UNC13C: variants seen among roughly 807,000 people sequenced by gnomAD.
UNC13C encodes the protein protein unc-13 homolog C.
UNC13C carries 174 observed loss-of-function variants against 245.4 expected under a neutral mutation model. The observed-to-expected ratio is 0.71, with a 90% CI of 0.63 to 0.80. The LOEUF (loss-of-function observed/expected upper bound fraction) is 0.80, where lower values mean the gene tolerates loss of function less well. UNC13C is among the 30% of genes least tolerant of loss of function. The pLI, the probability that UNC13C is intolerant of heterozygous loss-of-function variation, is 0.00. For missense variants in UNC13C, 2,829 were observed against 2,602.9 expected (o/e 1.09, Z -1.89); for synonymous variants, 992 against 895.1 (o/e 1.11, Z -1.93).
chr15:54,259,385 T>G (rs2036364745), intron 8 of UNC13C, among the ~76,000 whole-genome samples: 1 of 152,202 alleles, frequency 6.6e-6, no homozygotes, highest in Admixed American at 6.5e-5. Flanking sequence ...TCCACATGGC[T>G]GGTGAGGCCT....
chr15:54,489,220 TTAAC>T (rs1324155878), intron 19 of UNC13C, among the ~76,000 whole-genome samples: 1 of 152,136 alleles, frequency 6.6e-6, no homozygotes, highest in East Asian at 1.9e-4. Flanking sequence ...TTAAGAGGCA[TTAAC>T]TACCCAGAAT....
intron 27 of UNC13C, among the ~76,000 whole-genome samples, chr15:54,549,162 C>A (rs556432397): frequency 1.3e-5 from 2 of 152,196 alleles, no homozygotes; most frequent in Non-Finnish European, 2.9e-5. Context: ...CCTTGGGGTT[C>A]TAGAGAAAGC....
At chr15:54,174,992 A>T (rs2141291059) in intron 4 of UNC13C, among the ~76,000 whole-genome samples, 1 of 152,236 alleles carries the variant, frequency 6.6e-6, no homozygotes, top group East Asian at 1.9e-4. Flanking sequence ...TATTGACCCC[A>T]CATGTTTCTC....
intron 28 of UNC13C, 109 bp downstream of exon 28, chr15:54,549,800 T>C: frequency 1.5e-6 from 1 of 680,678 alleles, no homozygotes; most frequent in Non-Finnish European, 2.4e-6. Flanking sequence ...ATTAAGAAGA[T>C]GTGTGTGTGA....
chr15:54,456,676 T>C (rs879224383), intron 19 of UNC13C, among the ~76,000 whole-genome samples: 14 of 151,794 alleles, frequency 9.2e-5, no homozygotes, highest in African/African-American at 3.4e-4. Flanking sequence ...TTGATTCTCA[T>C]CTTGGTCACT....
In UNC13C at chr15:54,352,340, G is replaced by GTATA. The variant is rs34071394; in HGVS notation, c.4713+13862_4713+13865dup. Among the ~76,000 whole-genome samples, 38 of 141,946 alleles carry GTATA rather than the reference G, an allele frequency of 2.7e-4. No individual in the cohort carries two copies. In the East Asian group the frequency reaches 6.6e-3, roughly 25 times the overall value. 93.1% of individuals were successfully genotyped at this position (141,946 alleles called of 152,430 possible). A position where few individuals can be genotyped will look rare whatever the true frequency, so the allele number is the denominator to read the frequency against. On this transcript the variant is annotated intron_variant, in intron 17 of 32. Coordinates refer to ENST00000260323, the MANE Select transcript of UNC13C (RefSeq NM_001080534.3). ...TTTATATAAATATAATTATATAAAT[G>GTATA]TATATATATATATAGAGAGAGAGAG...
chr15:54,399,784 T>G (rs2040144828), intron 18 of UNC13C, among the ~76,000 whole-genome samples: 1 of 151,998 alleles, frequency 6.6e-6, no homozygotes, highest in African/African-American at 2.4e-5. Context: ...GGATGTTTTA[T>G]TTGCTGAAGT....
intron 16 of UNC13C, among the ~76,000 whole-genome samples, chr15:54,337,721 T>C (rs1041456361): frequency 2.6e-5 from 4 of 152,180 alleles, no homozygotes; most frequent in African/African-American, 9.7e-5. Context: ...TAAGGCAGCG[T>C]AAGGGAGCCT....
chr15:54,001,749 G>C (rs976571755), intron 1 of UNC13C, among the ~76,000 whole-genome samples: 7 of 152,174 alleles, frequency 4.6e-5, no homozygotes, highest in Non-Finnish European at 8.8e-5. Context: ...CTGAGAAACA[G>C]AGAGATTAAA....
Position 54,015,471 on chromosome 15 carries a change from C to T in UNC13C, c.2568C>T (p.Pro856=), listed in dbSNP as rs777472266. Reference sequence around the variant, plus strand: ...TTGACTCTGATGTCTACACGGAGCCCTATTACTATAAAGCAGAGGATGAGG... The same window carrying T: ...TTGACTCTGATGTCTACACGGAGCCTTATTACTATAAAGCAGAGGATGAGG... ...TTLDSDVYTE[P]YYYKAEDEED... Residue 856 remains proline, a synonymous_variant, in exon 2 of 33, where the codon CCC becomes CCT. Transcript: ENST00000260323. The T allele has an allele frequency of 1.9e-6, 3 of 1,613,304 alleles. No homozygotes were observed. The highest frequency in any genetic ancestry group is 1.1e-5 in the South Asian group (1 of 91,048).
intron 13 of UNC13C, among the ~76,000 whole-genome samples, chr15:54,302,576 G>T (rs529562034): frequency 6.6e-6 from 1 of 152,210 alleles, no homozygotes; most frequent in African/African-American, 2.4e-5. Context: ...GTTTGTGTCA[G>T]GTTTGTCAAA....
intron 2 of UNC13C, among the ~76,000 whole-genome samples, chr15:54,067,683 A>T (rs1898136678): frequency 6.6e-6 from 1 of 152,198 alleles, no homozygotes; most frequent in Non-Finnish European, 1.5e-5. Flanking sequence ...AAATATTTGT[A>T]TCTCTCTGAA....
the UNC13C span, among the ~76,000 whole-genome samples, chr15:53,860,267 T>C: frequency 6.7e-6 from 1 of 149,858 alleles, no homozygotes; most frequent in African/African-American, 2.4e-5. Context: ...ACTCACATGA[T>C]ATCATTTTCA....
chr15:54,009,125 ACAGTAGGAGCT>A (rs1235534145), intron 1 of UNC13C, among the ~76,000 whole-genome samples: 1 of 152,240 alleles, frequency 6.6e-6, no homozygotes, highest in Admixed American at 6.5e-5. Context: ...ACACACACAT[ACAGTAGGAGCT>A]CAGTAACTAG....
chr15:54,568,645 G>A (rs16974831), intron 30 of UNC13C, among the ~76,000 whole-genome samples: 1,616 of 152,146 alleles, frequency 0.011, 32 homozygotes, highest in African/African-American at 0.037. Flanking sequence ...ATGTCAGTAC[G>A]AGTCAAAAGA....
intron 19 of UNC13C, chr15:54,416,955 A>G (rs535010282): frequency 4.4e-6 from 2 of 456,378 alleles, no homozygotes; most frequent in Non-Finnish European, 8.8e-6. Context: ...CTTCCCACCA[A>G]TCTTCATAAG....
chr15:53,910,006 T>A, the UNC13C span, among the ~76,000 whole-genome samples: 1,235 of 145,572 alleles, frequency 8.5e-3, 64 homozygotes, highest in African/African-American at 0.029. Context: ...TTTTTTTTTT[T>A]TTTAATTTGC....
intron 18 of UNC13C, among the ~76,000 whole-genome samples, chr15:54,397,456 A>G (rs1596323783): frequency 6.6e-6 from 1 of 151,608 alleles, no homozygotes. Flanking sequence ...GAAATATTAT[A>G]GTAAAATTTA....
At position 54,242,814 on chromosome 15, in the gene UNC13C, G is replaced by A. The variant is rs376010354; in HGVS notation, c.3228+5124G>A. 1.1e-4 allele frequency among the ~76,000 whole-genome samples: 16 copies of A among 152,180 alleles called. No individual in the cohort carries two copies. The South Asian group carries it at 3.3e-3, about 32-fold the overall frequency. ...ATGCATAAGTACATACTAAAAGTTA[G>A]TTAATTTTGTGATTAACAATTTTTC... On this transcript the variant is annotated intron_variant, in intron 7 of 32. Transcript: ENST00000260323.
Sources: allele counts gnomAD v4.1 joint callset (sites outside exome capture counted in the v4.1 genomes callset), GRCh38; gene constraint gnomAD v4.1.1; transcripts MANE v1.5; gene names NCBI Gene and HGNC (gene_info 2026-07-23, HGNC 2026-07-21).